Variants in WDR7 observed in about 807,000 individuals in gnomAD.
WDR7 encodes WD repeat domain 7, also known as WD repeat-containing protein 7.
In WDR7, 46 loss-of-function variants were observed where a neutral mutation model predicts 169.4. The ratio of observed to expected loss-of-function variants is 0.27; its 90% CI spans 0.21 to 0.35. The LOEUF (loss-of-function observed/expected upper bound fraction) is 0.35, where lower values mean the gene tolerates loss of function less well. Among genes scored for constraint, WDR7 ranks in the 10% least tolerant of loss-of-function variants. The pLI is 1.00. For missense variants in WDR7, 1,534 were observed against 1,859.3 expected (o/e 0.83, Z 3.22); for synonymous variants, 612 against 666.8 (o/e 0.92, Z 1.27).
At chr18:56,705,835 A>G (rs533699803) in intron 12 of WDR7, among the ~76,000 whole-genome samples, 1 of 152,136 alleles carries the variant, frequency 6.6e-6, no homozygotes, top group Non-Finnish European at 1.5e-5. Flanking sequence ...CATCTCTATT[A>G]AATACAAAAA....
At chr18:56,860,413 G>C (rs1025186322) in intron 20 of WDR7, among the ~76,000 whole-genome samples, 5 of 151,972 alleles carry the variant, frequency 3.3e-5, no homozygotes, top group Non-Finnish European at 7.4e-5. Context: ...CCTTAAATTT[G>C]ATCTATGTTT....
chr18:56,964,750 A>G (rs1190893846), intron 26 of WDR7, among the ~76,000 whole-genome samples: 1 of 152,080 alleles, frequency 6.6e-6, no homozygotes, highest in African/African-American at 2.4e-5. Context: ...TTTGATACCC[A>G]AAGTTACCAA....
At chr18:56,737,241 A>G (rs1010952409) in intron 14 of WDR7, among the ~76,000 whole-genome samples, 3 of 152,340 alleles carry the variant, frequency 2.0e-5, no homozygotes, top group African/African-American at 7.2e-5. Flanking sequence ...GCATACATGC[A>G]TATATTTAGA....
intron 21 of WDR7, among the ~76,000 whole-genome samples, chr18:56,914,698 A>G (rs1365705784): frequency 6.6e-6 from 1 of 152,072 alleles, no homozygotes; most frequent in African/African-American, 2.4e-5. Context: ...TCTGTTATTT[A>G]CTTCTTTATT....
chr18:56,894,724 A>G (rs2046308005), intron 21 of WDR7, among the ~76,000 whole-genome samples: 1 of 152,142 alleles, frequency 6.6e-6, no homozygotes, highest in Non-Finnish European at 1.5e-5. Flanking sequence ...ATGAGTGAAA[A>G]CTAAAGTGCT....
Position 57,027,045 on chromosome 18 carries a change from G to A in WDR7, c.4311G>A (p.Ser1437=), listed in dbSNP as rs151117603. 6.9e-5 allele frequency: 111 copies of A among 1,614,058 alleles called. No individual in the cohort carries two copies. The highest frequency in any genetic ancestry group is 8.5e-5 in the Non-Finnish European group (100 of 1,180,014). The part of the protein sequence containing the change: ...SLLGSIGMLN[S]APQLRCIKTY... Reference sequence around the variant, plus strand: ...TGGGAAGCATCGGCATGCTGAACTCGGCACCTCAGCTGCGCTGCATTAAAA... The same window carrying A: ...TGGGAAGCATCGGCATGCTGAACTCAGCACCTCAGCTGCGCTGCATTAAAA... Residue 1437 remains serine, a synonymous_variant, in exon 28 of 28, where the codon TCG becomes TCA. Coordinates refer to ENST00000254442, the MANE Select transcript of WDR7 (RefSeq NM_015285.3).
chr18:56,992,414 G>C (rs2047831353), intron 26 of WDR7, among the ~76,000 whole-genome samples: 1 of 152,136 alleles, frequency 6.6e-6, no homozygotes, highest in Non-Finnish European at 1.5e-5. Flanking sequence ...CAGTATCAAG[G>C]CAAATATGGG....
chr18:56,964,225 A>G (rs1212979487), intron 26 of WDR7, among the ~76,000 whole-genome samples: 1 of 151,986 alleles, frequency 6.6e-6, no homozygotes, highest in Non-Finnish European at 1.5e-5. Flanking sequence ...AAAAAAAAAA[A>G]AAGAATATTT....
At chr18:56,880,315 C>A in intron 21 of WDR7, 150 bp downstream of exon 21, 1 of 716,032 alleles carries the variant, frequency 1.4e-6, no homozygotes, top group Non-Finnish European at 2.3e-6. Flanking sequence ...GCACATTTCC[C>A]GTTAGTTACA....
chr18:56,925,788 TAA>T (rs1192716463), intron 22 of WDR7, among the ~76,000 whole-genome samples: 3 of 152,156 alleles, frequency 2.0e-5, no homozygotes, highest in Non-Finnish European at 4.4e-5. Context: ...CATTCAAACC[TAA>T]ACAGCTGCTG....
At chr18:56,970,606 C>T (rs1480885822) in intron 26 of WDR7, among the ~76,000 whole-genome samples, 1 of 152,154 alleles carries the variant, frequency 6.6e-6, no homozygotes, top group Non-Finnish European at 1.5e-5. Context: ...CATGCATAGC[C>T]TCACCCATGA....
chr18:56,988,040 A>G (rs1014008256), intron 26 of WDR7, among the ~76,000 whole-genome samples: 6 of 152,202 alleles, frequency 3.9e-5, no homozygotes, highest in African/African-American at 1.4e-4. Context: ...ATTATTAACA[A>G]ATTTCTCTAA....
At chr18:56,673,651 T>C (rs2025182517) in intron 2 of WDR7, among the ~76,000 whole-genome samples, 1 of 151,848 alleles carries the variant, frequency 6.6e-6, no homozygotes, top group South Asian at 2.1e-4. Context: ...CTGGGCAACA[T>C]GGTGAAACCC....
intron 27 of WDR7, among the ~76,000 whole-genome samples, chr18:57,021,634 AAT>A (rs2048293997): frequency 6.6e-6 from 1 of 152,178 alleles, no homozygotes; most frequent in South Asian, 2.1e-4. Context: ...TTGGCAATAG[AAT>A]ATGTTTGATC....
At chr18:56,744,099 C>T (rs950971737) in intron 14 of WDR7, among the ~76,000 whole-genome samples, 4 of 151,774 alleles carry the variant, frequency 2.6e-5, no homozygotes, top group East Asian at 1.9e-4. Flanking sequence ...GTTAGCTGGG[C>T]GTAGTGGCGG....
chr18:56,999,851 C>T (rs1010991116), intron 26 of WDR7, among the ~76,000 whole-genome samples: 27 of 152,232 alleles, frequency 1.8e-4, no homozygotes, highest in Non-Finnish European at 3.1e-4. Context: ...CCCTAGAGAA[C>T]GGACCACCCA....
At chr18:56,752,297 TTCTG>T (rs1176616092) in intron 14 of WDR7, among the ~76,000 whole-genome samples, 1 of 152,212 alleles carries the variant, frequency 6.6e-6, no homozygotes, top group Non-Finnish European at 1.5e-5. Flanking sequence ...CATGTGATAC[TTCTG>T]TCTTTGTCCT....
chr18:56,838,209 TA>T (rs1456613470), intron 20 of WDR7, among the ~76,000 whole-genome samples: 6 of 150,564 alleles, frequency 4.0e-5, no homozygotes, highest in Non-Finnish European at 7.4e-5. Context: ...GCTTTATTAT[TA>T]TTTTTTTTTT....
intron 16 of WDR7, among the ~76,000 whole-genome samples, chr18:56,762,125 T>C (rs1022298062): frequency 6.6e-6 from 1 of 152,108 alleles, no homozygotes; most frequent in African/African-American, 2.4e-5. Flanking sequence ...CCTCTATTAA[T>C]GTGGCAAATT....
Sources: gnomAD v4.1 joint callset for allele counts (sites outside exome capture counted in the v4.1 genomes callset) on GRCh38, gnomAD v4.1.1 for gene constraint, MANE v1.5 for transcripts, NCBI Gene and HGNC (gene_info 2026-07-23, HGNC 2026-07-21) for gene names.